The following DYNC1I1 variants were observed in gnomAD, a reference collection of about 807,000 sequenced individuals.
DYNC1I1 encodes dynein cytoplasmic 1 intermediate chain 1.
DYNC1I1 carries 43 observed loss-of-function variants against 86.6 expected under a neutral mutation model. The observed-to-expected ratio is 0.50, with a 90% confidence interval of 0.39 to 0.64. The LOEUF (loss-of-function observed/expected upper bound fraction) is 0.64, where lower values mean the gene tolerates loss of function less well. Ranked by LOEUF, DYNC1I1 falls within the 30% of genes least tolerant of loss-of-function variation. DYNC1I1 has a pLI of 0.00. For missense variants in DYNC1I1, 604 were observed against 788.8 expected, an observed-to-expected ratio of 0.77 and a Z score of 2.81; for synonymous variants, 262 against 283.7, an observed-to-expected ratio of 0.92 and a Z score of 0.77.
Position 95,772,587 on chromosome 7 carries a change from G to C in DYNC1I1, c.-196G>C, listed in dbSNP as rs992849601. The C allele has an allele frequency of 2.0e-5, 3 of 152,234 alleles. No homozygotes were observed. Among genetic ancestry groups the C allele is most frequent in the Non-Finnish European group, 4.4e-5 (3 of 68,110 alleles). The allele number at this position is 152,234 out of a possible 1,614,324, so 9.4% of individuals were successfully genotyped here. ...TGCTCCGGGGAGCTGTCAGTGTCAG[G>C]CTCTGGGAGAGAGGAAGTGATCGCT... On this transcript the variant is annotated 5_prime_UTR_variant, in exon 1 of 17. Coordinates refer to ENST00000447467, the MANE Select transcript of DYNC1I1 (RefSeq NM_001135556.2).
chr7:95,947,485 CA>C (rs1196661733), intron 6 of DYNC1I1, among the ~76,000 whole-genome samples: 1 of 152,130 alleles, frequency 6.6e-6, no homozygotes, highest in Non-Finnish European at 1.5e-5. Context: ...GTCCTGCCAC[CA>C]TTGGTCTACC....
chr7:96,052,386 G>A (rs955906599), intron 14 of DYNC1I1, among the ~76,000 whole-genome samples: 6 of 152,062 alleles, frequency 3.9e-5, no homozygotes, highest in African/African-American at 1.2e-4. Context: ...CAAGCAGAAT[G>A]AACAGAGTAT....
chr7:95,820,981 A>G (rs1243430042), intron 4 of DYNC1I1, among the ~76,000 whole-genome samples: 2 of 152,226 alleles, frequency 1.3e-5, no homozygotes, highest in Non-Finnish European at 2.9e-5. Context: ...GCTGAGTAAG[A>G]CTGAGTTTTC....
chr7:95,962,285 A>G (rs1023093952), intron 6 of DYNC1I1, among the ~76,000 whole-genome samples: 1 of 152,136 alleles, frequency 6.6e-6, no homozygotes, highest in Non-Finnish European at 1.5e-5. Context: ...TCTAGTCTCA[A>G]CAGGTCTAGG....
At chr7:95,780,936 C>G (rs752571208) in intron 1 of DYNC1I1, among the ~76,000 whole-genome samples, 1 of 151,730 alleles carries the variant, frequency 6.6e-6, no homozygotes, top group Non-Finnish European at 1.5e-5. Context: ...ACCATCTGCC[C>G]GTTAGTATCA....
chr7:95,849,810 A>G (rs2116060304), intron 5 of DYNC1I1, among the ~76,000 whole-genome samples: 1 of 152,288 alleles, frequency 6.6e-6, no homozygotes, highest in South Asian at 2.1e-4. Flanking sequence ...ACTTTGAGTA[A>G]TATGGGCATT....
intron 15 of DYNC1I1, among the ~76,000 whole-genome samples, chr7:96,078,557 G>T (rs1790414660): frequency 6.6e-6 from 1 of 151,930 alleles, no homozygotes; most frequent in African/African-American, 2.4e-5. Context: ...GTTTCACTTT[G>T]TTATAGTACT....
chr7:95,943,908 A>T (rs1321784865), intron 6 of DYNC1I1, among the ~76,000 whole-genome samples: 1 of 152,148 alleles, frequency 6.6e-6, no homozygotes, highest in South Asian at 2.1e-4. Context: ...TTAGACCTAA[A>T]ACCATAAAAA....
At chr7:96,074,157 C>T (rs1279091496) in intron 14 of DYNC1I1, among the ~76,000 whole-genome samples, 1 of 152,192 alleles carries the variant, frequency 6.6e-6, no homozygotes, top group Non-Finnish European at 1.5e-5. Context: ...TTTCAAATCA[C>T]ACCCTCTGTC....
chr7:95,804,671 CA>C, intron 1 of DYNC1I1, 49 bp from the exon 2 acceptor site: 4 of 1,480,008 alleles, frequency 2.7e-6, no homozygotes, highest in Non-Finnish European at 2.7e-6. Context: ...CAATGATATA[CA>C]GAAAAGTTAT....
In DYNC1I1 at chr7:95,887,792, A is replaced by T. The variant is rs556382937; in HGVS notation, c.490+17794A>T. 1.6e-4 allele frequency among the ~76,000 whole-genome samples: 24 copies of T among 152,270 alleles called. 1 individual carries two copies. The South Asian group carries it at 4.3e-3, about 28-fold the overall frequency. ...CTAATAGTGAGAATGCTTATTTTAG[A>T]GCCTGCAAGCCCCCCGGTATTGTAT... On this transcript the variant is annotated intron_variant, in intron 6 of 16. Coordinates refer to ENST00000447467, the MANE Select transcript of DYNC1I1 (RefSeq NM_001135556.2).
chr7:96,064,336 A>G (rs778356549), intron 14 of DYNC1I1, among the ~76,000 whole-genome samples: 49 of 151,186 alleles, frequency 3.2e-4, no homozygotes, highest in Non-Finnish European at 5.9e-4. Flanking sequence ...TTTGTTTTTA[A>G]TGAGATACAA....
chr7:95,950,771 G>T (rs1792530365), intron 6 of DYNC1I1, among the ~76,000 whole-genome samples: 1 of 152,100 alleles, frequency 6.6e-6, no homozygotes, highest in Non-Finnish European at 1.5e-5. Context: ...GAAAATTGGG[G>T]CCAGGATCAT....
chr7:95,983,799 G>T (rs868014927), intron 7 of DYNC1I1, among the ~76,000 whole-genome samples: 5 of 152,254 alleles, frequency 3.3e-5, no homozygotes, highest in Middle Eastern at 3.4e-3. Flanking sequence ...ACCTGTGATT[G>T]TAATGCACTA....
chr7:95,844,691 T>TG (rs1200167184), intron 5 of DYNC1I1, among the ~76,000 whole-genome samples: 1 of 151,388 alleles, frequency 6.6e-6, no homozygotes, highest in African/African-American at 2.4e-5. Flanking sequence ...GTTTTCTGGG[T>TG]GGGGGCCCCA....
intron 6 of DYNC1I1, among the ~76,000 whole-genome samples, chr7:95,948,803 G>A (rs934310417): frequency 2.6e-5 from 4 of 152,152 alleles, no homozygotes; most frequent in South Asian, 2.1e-4. Context: ...ACTGGAGCAC[G>A]TGGAATGAAT....
chr7:96,020,506 A>G (rs930926197), intron 10 of DYNC1I1, among the ~76,000 whole-genome samples: 3 of 152,152 alleles, frequency 2.0e-5, no homozygotes, highest in African/African-American at 4.8e-5. Context: ...GTTACCTCCC[A>G]CTGGGTCCCT....
At chr7:95,792,643 C>G (rs908699855) in intron 1 of DYNC1I1, among the ~76,000 whole-genome samples, 6 of 152,178 alleles carry the variant, frequency 3.9e-5, no homozygotes, top group African/African-American at 1.2e-4. Flanking sequence ...GCCTCCCATA[C>G]CATGTAAAAC....
intron 6 of DYNC1I1, among the ~76,000 whole-genome samples, chr7:95,977,048 G>A (rs1478754491): frequency 6.6e-6 from 1 of 152,116 alleles, no homozygotes; most frequent in Non-Finnish European, 1.5e-5. Flanking sequence ...TTTGACCTGG[G>A]GTCAGACCTG....
Sources: gnomAD v4.1 joint callset for allele counts (sites outside exome capture counted in the v4.1 genomes callset) on GRCh38, gnomAD v4.1.1 for gene constraint, MANE v1.5 for transcripts, NCBI Gene and HGNC (gene_info 2026-07-23, HGNC 2026-07-21) for gene names.